DISC1: variants seen among roughly 807,000 people sequenced by gnomAD.
DISC1 encodes disrupted in schizophrenia 1 protein.
DISC1 carries 57 observed loss-of-function variants against 84.5 expected under a neutral mutation model. That is an observed-to-expected ratio of 0.67 (90% CI 0.55 to 0.84). The LOEUF (loss-of-function observed/expected upper bound fraction) is 0.84. Ranked by LOEUF, DISC1 falls within the 40% of genes least tolerant of loss-of-function variation. The pLI is 0.00. For synonymous variants in DISC1, 411 were observed against 415.2 expected (o/e 0.99, Z 0.12); for missense variants, 1,000 against 1,057.8 (o/e 0.95, Z 0.76).
intron 9 of DISC1, among the ~76,000 whole-genome samples, chr1:231,920,341 C>T (rs6681219): frequency 0.011 from 1,659 of 152,294 alleles, 36 homozygotes; most frequent in African/African-American, 0.038. Context: ...CATTGTTGTG[C>T]AAACATCATC....
Position 231,969,868 on chromosome 1 carries a change from C to T in DISC1, c.2042+10980C>T, listed in dbSNP as rs142013927. Among the ~76,000 whole-genome samples, 1,227 of 151,870 alleles carry T rather than the reference C, an allele frequency of 8.1e-3. 17 individuals are homozygous for T. Among genetic ancestry groups the T allele is most frequent in the African/African-American group, 0.027 (1,100 of 41,396 alleles). On this transcript the variant is annotated intron_variant, in intron 10 of 12. Coordinates refer to ENST00000439617, the MANE Select transcript of DISC1 (RefSeq NM_018662.3). ...TACCATGTTTGGTTTTTCGTCTTTG[C>T]GATAGTTTGCTGAGAATGATGGTTT...
chr1:231,744,008 G>T (rs1207582661), intron 3 of DISC1, among the ~76,000 whole-genome samples: 1 of 152,120 alleles, frequency 6.6e-6, no homozygotes, highest in African/African-American at 2.4e-5. Context: ...CTCTGCTGGT[G>T]TATGATAAAA....
At chr1:231,680,019 G>A (rs556835539) in intron 1 of DISC1, among the ~76,000 whole-genome samples, 16 of 152,308 alleles carry the variant, frequency 1.1e-4, no homozygotes, top group African/African-American at 3.1e-4. Flanking sequence ...CCTAAGGTCA[G>A]GAGTTTGAGA....
intron 1 of DISC1, among the ~76,000 whole-genome samples, chr1:231,684,493 C>T (rs1406220657): frequency 2.6e-5 from 4 of 151,858 alleles, no homozygotes; most frequent in Non-Finnish European, 4.4e-5. Context: ...GCATTTTTTC[C>T]TATGTATTGT....
chr1:231,958,161 T>A (rs1393951668), intron 9 of DISC1, among the ~76,000 whole-genome samples: 6 of 152,248 alleles, frequency 3.9e-5, no homozygotes, highest in African/African-American at 1.4e-4. Flanking sequence ...ATTCCTCGGA[T>A]GAGCAAAAGG....
At chr1:231,716,121 TC>T (rs1161214496) in intron 3 of DISC1, among the ~76,000 whole-genome samples, 1 of 152,114 alleles carries the variant, frequency 6.6e-6, no homozygotes, top group Non-Finnish European at 1.5e-5. Context: ...CTTTTCTTTT[TC>T]TACCTACCAC....
At chr1:231,723,615 T>C (rs2070195038) in intron 3 of DISC1, 1 of 985,360 alleles carries the variant, frequency 1.0e-6, no homozygotes, top group South Asian at 4.7e-5. Flanking sequence ...TATTCTGTCT[T>C]ATAACAGTCT....
At position 232,027,907 on chromosome 1, in the gene DISC1, C is replaced by A. The variant is rs1053359336; in HGVS notation, c.2425+1355C>A. ...CTGTGATTTAATGATAGAGCCAATG[C>A]TACACTTCCTTCCTTGTTATAACTT... On this transcript the variant is annotated intron_variant, in intron 12 of 12. Coordinates refer to ENST00000439617, the MANE Select transcript of DISC1 (RefSeq NM_018662.3). Among the ~76,000 whole-genome samples, 3 of 151,766 alleles carry A rather than the reference C, an allele frequency of 2.0e-5. No homozygotes were observed. In the South Asian group the frequency reaches 6.3e-4, roughly 32 times the overall value.
intron 1 of DISC1, among the ~76,000 whole-genome samples, chr1:231,641,342 G>A (rs2059645375): frequency 6.6e-6 from 1 of 152,020 alleles, no homozygotes. Flanking sequence ...GGTCTCGCTG[G>A]CTCAAGAGTG....
intron 9 of DISC1, among the ~76,000 whole-genome samples, chr1:231,877,697 C>T (rs2085992547): frequency 6.6e-6 from 1 of 152,208 alleles, no homozygotes; most frequent in East Asian, 1.9e-4. Flanking sequence ...GGTACAGCTG[C>T]CCACTATCAG....
intron 9 of DISC1, among the ~76,000 whole-genome samples, chr1:231,896,219 A>G (rs2087677806): frequency 6.6e-6 from 1 of 152,180 alleles, no homozygotes; most frequent in South Asian, 2.1e-4. Context: ...GGGAATGGTC[A>G]TGAGAGTGGC....
chr1:231,800,610 C>T (rs989360254), intron 8 of DISC1, among the ~76,000 whole-genome samples: 3 of 151,986 alleles, frequency 2.0e-5, no homozygotes, highest in African/African-American at 4.8e-5. Context: ...AGAAACTTGG[C>T]GAATCCTCAA....
intron 9 of DISC1, among the ~76,000 whole-genome samples, chr1:231,824,955 C>A (rs539702844): frequency 6.6e-6 from 1 of 152,266 alleles, no homozygotes; most frequent in East Asian, 1.9e-4. Context: ...TGAGTACTTA[C>A]GATATGCTAG....
intron 5 of DISC1, among the ~76,000 whole-genome samples, chr1:231,768,066 A>T (rs1273395547): frequency 6.6e-6 from 1 of 152,150 alleles, no homozygotes; most frequent in Admixed American, 6.5e-5. Context: ...GTTGGCTAAG[A>T]ATCATCGAGG....
intron 11 of DISC1, among the ~76,000 whole-genome samples, chr1:232,025,489 G>A (rs1572676106): frequency 6.6e-6 from 1 of 152,194 alleles, no homozygotes; most frequent in East Asian, 1.9e-4. Flanking sequence ...GGAGCTCTAA[G>A]ACTTAATTGT....
chr1:231,819,447 A>G (rs1191327903), intron 9 of DISC1, among the ~76,000 whole-genome samples: 1 of 152,188 alleles, frequency 6.6e-6, no homozygotes, highest in Non-Finnish European at 1.5e-5. Context: ...AATGTCTATC[A>G]ATTTGTGTAG....
chr1:231,871,099 C>T (rs2085426096), intron 9 of DISC1, among the ~76,000 whole-genome samples: 3 of 152,172 alleles, frequency 2.0e-5, no homozygotes, highest in African/African-American at 7.2e-5. Context: ...CTCAAAGGAG[C>T]TTCAAAGCTG....
At chr1:231,943,055 C>T (rs2091439415) in intron 9 of DISC1, among the ~76,000 whole-genome samples, 1 of 152,262 alleles carries the variant, frequency 6.6e-6, no homozygotes, top group South Asian at 2.1e-4. Context: ...ACCACTAATA[C>T]ATGTGGGGCT....
At chr1:231,660,622 C>T (rs1035503337) in intron 1 of DISC1, among the ~76,000 whole-genome samples, 10 of 152,062 alleles carry the variant, frequency 6.6e-5, no homozygotes, top group African/African-American at 9.7e-5. Context: ...ATTACAGGCA[C>T]CTGCCATCTT....
Sources: allele counts gnomAD v4.1 joint callset (sites outside exome capture counted in the v4.1 genomes callset), GRCh38; gene constraint gnomAD v4.1.1; transcripts MANE v1.5; gene names NCBI Gene and HGNC (gene_info 2026-07-23, HGNC 2026-07-21).